The following APLF variants were observed in gnomAD, a reference collection of about 807,000 sequenced individuals.
The protein encoded by APLF is aprataxin and PNK-like factor.
Under a neutral mutation model 55.6 loss-of-function variants are expected in APLF, and 61 were observed. That is an observed-to-expected ratio of 1.10 (90% CI 0.89 to 1.36). APLF has a LOEUF of 1.36. APLF is among the 40% of genes most tolerant of loss of function. APLF has a pLI of 0.00. For synonymous variants in APLF, 207 were observed against 214.8 expected (o/e 0.96, Z 0.32); for missense variants, 611 against 602.5 (o/e 1.01, Z -0.15).
intron 6 of APLF, among the ~76,000 whole-genome samples, chr2:68,532,117 T>C (rs2103994856): frequency 6.6e-6 from 1 of 152,272 alleles, no homozygotes; most frequent in Non-Finnish European, 1.5e-5. Flanking sequence ...CCTCCATCCC[T>C]GCCCAGTTTG....
In APLF at chr2:68,526,259, C is replaced by G; in HGVS notation, c.804+17C>G. The G allele has an allele frequency of 2.5e-6, 4 of 1,593,096 alleles. No homozygotes were observed. Among genetic ancestry groups the G allele is most frequent in the Non-Finnish European group, 3.4e-6 (4 of 1,170,878 alleles). On this transcript the variant is annotated intron_variant, in intron 6 of 9. Transcript: ENST00000303795. ...TCATCCAAGGTGATTTTAAAAAATTCATTATTTGATTGTTTTTTTGTTAGG... is the reference window on the plus strand; with the variant it reads ...TCATCCAAGGTGATTTTAAAAAATTGATTATTTGATTGTTTTTTTGTTAGG...
At chr2:68,516,947 T>G (rs1235254343) in intron 5 of APLF, among the ~76,000 whole-genome samples, 272 of 125,422 alleles carry the variant, frequency 2.2e-3, no homozygotes, top group African/African-American at 8.2e-3. Flanking sequence ...ATATAATATA[T>G]ATAATATAAT....
At chr2:68,524,942 T>C (rs1310233122) in intron 5 of APLF, among the ~76,000 whole-genome samples, 1 of 152,206 alleles carries the variant, frequency 6.6e-6, no homozygotes, top group Non-Finnish European at 1.5e-5. Context: ...GGGTATTTTA[T>C]GGGATACAAT....
intron 3 of APLF, among the ~76,000 whole-genome samples, chr2:68,509,768 C>T (rs138768267): frequency 0.083 from 12,538 of 151,920 alleles, 567 homozygotes; most frequent in Middle Eastern, 0.12. Context: ...CACATGCACA[C>T]GTATGTTTAT....
intron 2 of APLF, among the ~76,000 whole-genome samples, chr2:68,497,517 A>T (rs1676586649): frequency 1.3e-5 from 2 of 151,948 alleles, no homozygotes; most frequent in Admixed American, 6.5e-5. Context: ...CATGATTGAA[A>T]GTTTCCTGAG....
rs973514180 is a variant in APLF at position 68,502,974 on chromosome 2, G to C, written c.341+71G>C. On this transcript the variant is annotated intron_variant, in intron 3 of 9. Coordinates refer to ENST00000303795, the MANE Select transcript of APLF (RefSeq NM_173545.3). ...ATTCCTCAGCCATCACAAATCCTTC[G>C]GTAGGAACCAGTAGAAACCATTAAA... 3 of 1,496,234 alleles carry C rather than the reference G, an allele frequency of 2.0e-6. 1 individual carries two copies. The South Asian group carries it at 3.7e-5, about 19-fold the overall frequency. The allele number at this position is 1,496,234 out of a possible 1,614,324, so 92.7% of individuals were successfully genotyped here. A position where few individuals can be genotyped will look rare whatever the true frequency, so the allele number is the denominator to read the frequency against.
chr2:68,553,668 T>C (rs1446222516), intron 8 of APLF, among the ~76,000 whole-genome samples: 1 of 152,038 alleles, frequency 6.6e-6, no homozygotes, highest in Non-Finnish European at 1.5e-5. Context: ...AAATGAGCAA[T>C]AAATGATTAT....
intron 1 of APLF, among the ~76,000 whole-genome samples, chr2:68,472,156 A>G (rs1449618880): frequency 6.6e-6 from 1 of 152,212 alleles, no homozygotes. Flanking sequence ...CAGAGCTCTC[A>G]GATAGCGGAC....
chr2:68,538,807 G>C (rs983033251), intron 7 of APLF, among the ~76,000 whole-genome samples: 3 of 152,036 alleles, frequency 2.0e-5, no homozygotes, highest in Non-Finnish European at 4.4e-5. Context: ...TTCATCCATA[G>C]TGTTTATAGT....
intron 8 of APLF, among the ~76,000 whole-genome samples, chr2:68,549,826 A>T (rs974977839): frequency 2.0e-5 from 3 of 152,096 alleles, no homozygotes; most frequent in Non-Finnish European, 4.4e-5. Flanking sequence ...TCCAGCTGTA[A>T]ATTTGTCCTC....
intron 3 of APLF, among the ~76,000 whole-genome samples, chr2:68,503,213 A>G (rs1282659148): frequency 6.6e-6 from 1 of 152,188 alleles, no homozygotes; most frequent in Non-Finnish European, 1.5e-5. Context: ...TATTCAATAT[A>G]GTTAATTCGA....
intron 3 of APLF, among the ~76,000 whole-genome samples, chr2:68,504,574 C>T (rs1676819719): frequency 6.6e-6 from 1 of 151,890 alleles, no homozygotes; most frequent in Non-Finnish European, 1.5e-5. Context: ...AACACCTCTT[C>T]ATGATTTTTA....
At chr2:68,502,371 T>G (rs1676748175) in intron 2 of APLF, among the ~76,000 whole-genome samples, 1 of 152,144 alleles carries the variant, frequency 6.6e-6, no homozygotes, top group South Asian at 2.1e-4. Context: ...GTTGGGGGAC[T>G]CAGTTTCTCC....
At chr2:68,480,243 T>C (rs574946630) in intron 1 of APLF, among the ~76,000 whole-genome samples, 99 of 152,202 alleles carry the variant, frequency 6.5e-4, no homozygotes, top group Non-Finnish European at 1.9e-4. Flanking sequence ...AAGATCATGT[T>C]ATCTACAAGC....
Position 68,575,793 on chromosome 2 carries a change from T to C in APLF, c.1334-2027T>C, listed in dbSNP as rs142070074. On this transcript the variant is annotated intron_variant, in intron 9 of 9. Transcript: ENST00000303795. ...TCTGGGTAAAGCAACTAAAGAGTTATGTTCTGGAAATGTTATATTCCAGGT... is the reference window on the plus strand; with the variant it reads ...TCTGGGTAAAGCAACTAAAGAGTTACGTTCTGGAAATGTTATATTCCAGGT... Among the ~76,000 whole-genome samples, 616 of 152,216 alleles carry C rather than the reference T, an allele frequency of 4.0e-3. 3 individuals carry two copies. Among genetic ancestry groups the C allele is most frequent in the African/African-American group, 0.014 (585 of 41,546 alleles).
intron 3 of APLF, among the ~76,000 whole-genome samples, chr2:68,503,532 T>C (rs916913768): frequency 6.6e-6 from 1 of 152,108 alleles, no homozygotes; most frequent in African/African-American, 2.4e-5. Context: ...AGCAATAGTA[T>C]TAAGTCAGAA....
chr2:68,533,316 A>G (rs1670308938), intron 6 of APLF, among the ~76,000 whole-genome samples: 1 of 152,164 alleles, frequency 6.6e-6, no homozygotes, highest in African/African-American at 2.4e-5. Flanking sequence ...AAAACAGACT[A>G]TGTATTTCCT....
At chr2:68,544,178 C>T (rs948063657) in intron 7 of APLF, among the ~76,000 whole-genome samples, 4 of 151,952 alleles carry the variant, frequency 2.6e-5, no homozygotes, top group South Asian at 2.1e-4. Context: ...GGGGTTTCAC[C>T]GTGTTGGCCA....
At position 68,474,829 on chromosome 2, in the gene APLF, C is replaced by T. The variant is rs150147605; in HGVS notation, c.96+7002C>T. 7.9e-3 allele frequency among the ~76,000 whole-genome samples: 1,201 copies of T among 152,196 alleles called. 10 individuals carry two copies. Among genetic ancestry groups the T allele is most frequent in the African/African-American group, 0.027 (1,140 of 41,516 alleles). ...AATTATAGGCATGTGCCACCACAAC[C>T]GGCTGATTTTGTATTTTTAATAGAG... On this transcript the variant is annotated intron_variant, in intron 1 of 9. Coordinates refer to ENST00000303795, the MANE Select transcript of APLF (RefSeq NM_173545.3).
Sources: gnomAD v4.1 joint callset for allele counts (sites outside exome capture counted in the v4.1 genomes callset) on GRCh38, gnomAD v4.1.1 for gene constraint, MANE v1.5 for transcripts, NCBI Gene and HGNC (gene_info 2026-07-23, HGNC 2026-07-21) for gene names.